FARP1: variants seen among roughly 807,000 people sequenced by gnomAD.
FARP1 encodes FERM, ARH/RhoGEF and pleckstrin domain protein 1.
In FARP1, 52 loss-of-function variants were observed where a neutral mutation model predicts 128.8. The ratio of observed to expected loss-of-function variants is 0.40; its 90% CI spans 0.32 to 0.51. FARP1 has a LOEUF of 0.51. Among genes scored for constraint, FARP1 ranks in the 20% least tolerant of loss-of-function variants. FARP1 has a pLI of 0.45. For synonymous variants in FARP1, 580 were observed against 551.8 expected (o/e 1.05, Z -0.72); for missense variants, 1,333 against 1,367.9 (o/e 0.97, Z 0.40).
At chr13:98,439,758 C>T (rs1303256580) in intron 21 of FARP1, among the ~76,000 whole-genome samples, 2 of 152,324 alleles carry the variant, frequency 1.3e-5, no homozygotes, top group South Asian at 2.1e-4. Context: ...CTGCCAAAAA[C>T]ATTCAGTGTG....
chr13:98,317,122 A>G (rs1285460146), intron 2 of FARP1, among the ~76,000 whole-genome samples: 2 of 152,160 alleles, frequency 1.3e-5, no homozygotes, highest in East Asian at 3.8e-4. Context: ...CCCTATTTCT[A>G]GCGTTGCTGC....
intron 8 of FARP1, among the ~76,000 whole-genome samples, chr13:98,387,638 C>T (rs1164153134): frequency 1.3e-5 from 2 of 152,142 alleles, no homozygotes; most frequent in Non-Finnish European, 2.9e-5. Context: ...CGGCAGCTCC[C>T]CGTTGTTTCT....
chr13:98,149,925 G>C (rs1474344524), intron 1 of FARP1, among the ~76,000 whole-genome samples: 3 of 150,814 alleles, frequency 2.0e-5, no homozygotes, highest in Admixed American at 1.3e-4. Context: ...TTTTAGTAGA[G>C]ACAGGGTTTC....
intron 2 of FARP1, among the ~76,000 whole-genome samples, chr13:98,231,164 G>A (rs147890913): frequency 2.7e-4 from 41 of 152,234 alleles, no homozygotes; most frequent in African/African-American, 9.9e-4. Context: ...CATATCAGCA[G>A]GGAATGGTTT....
Position 98,176,517 on chromosome 13 carries a change from GTCC to G in FARP1, c.-24+33028_-24+33030del, listed in dbSNP as rs759601974. The G allele has an allele frequency of 5.0e-6, 8 of 1,614,134 alleles. No homozygotes were observed. In the South Asian group the frequency reaches 7.7e-5, roughly 16 times the overall value. ...CCTCGCTTCCCACTTCATGGTTTTCGTCCTCGCAGATACAGTAGCGACCCTCTT... is the reference window on the plus strand; with the variant it reads ...CCTCGCTTCCCACTTCATGGTTTTCGTCGCAGATACAGTAGCGACCCTCTT... On this transcript the variant is annotated intron_variant, in intron 1 of 26. Coordinates refer to ENST00000319562, the MANE Select transcript of FARP1 (RefSeq NM_005766.4). This position sits in a 1 kb window ranked among gnomAD's most constrained non-coding sequence, Gnocchi z 6.2.
At chr13:98,321,605 T>C (rs527637713) in intron 2 of FARP1, among the ~76,000 whole-genome samples, 2 of 152,276 alleles carry the variant, frequency 1.3e-5, no homozygotes, top group African/African-American at 4.8e-5. Flanking sequence ...AGAAACACTT[T>C]AATATGGAGG....
chr13:98,427,813 G>C (rs1308096459), intron 17 of FARP1, among the ~76,000 whole-genome samples: 1 of 152,238 alleles, frequency 6.6e-6, no homozygotes, highest in African/African-American at 2.4e-5. Flanking sequence ...TGCCATGAGC[G>C]TTTATAGCAT....
At chr13:98,226,934 T>G (rs1416753027) in intron 2 of FARP1, among the ~76,000 whole-genome samples, 1 of 151,992 alleles carries the variant, frequency 6.6e-6, no homozygotes. Flanking sequence ...ATGTTGCATT[T>G]CTTTCTTTCT....
intron 2 of FARP1, among the ~76,000 whole-genome samples, chr13:98,268,395 A>AGAGATACT (rs745879677): frequency 6.7e-4 from 102 of 152,318 alleles, no homozygotes; most frequent in Admixed American, 1.6e-3. Context: ...GTCAGCAGGA[A>AGAGATACT]GAGATACTGG....
chr13:98,320,991 C>G (rs544937345), intron 2 of FARP1, among the ~76,000 whole-genome samples: 5 of 152,278 alleles, frequency 3.3e-5, no homozygotes, highest in African/African-American at 1.2e-4. Context: ...AGGTGCCTTT[C>G]AATGTCTGTG....
intron 3 of FARP1, among the ~76,000 whole-genome samples, chr13:98,348,056 G>A (rs1489363078): frequency 6.6e-6 from 1 of 152,240 alleles, no homozygotes; most frequent in African/African-American, 2.4e-5. Context: ...ATGTGAAGGA[G>A]TTTAAGGGGA....
intron 1 of FARP1, among the ~76,000 whole-genome samples, chr13:98,144,289 T>C (rs1594192833): frequency 6.6e-6 from 1 of 151,978 alleles, no homozygotes; most frequent in African/African-American, 2.4e-5. Flanking sequence ...TTGTGGCAGC[T>C]GGAGGCCAGC....
At chr13:98,265,359 G>T (rs1424625649) in intron 2 of FARP1, among the ~76,000 whole-genome samples, 4 of 110,336 alleles carry the variant, frequency 3.6e-5, no homozygotes, top group East Asian at 6.1e-4. Flanking sequence ...TCGCTCTGTC[G>T]CCCAGGCTGG....
chr13:98,259,470 T>C (rs1359244451), intron 2 of FARP1, among the ~76,000 whole-genome samples: 1 of 152,056 alleles, frequency 6.6e-6, no homozygotes, highest in Non-Finnish European at 1.5e-5. Context: ...GTCTTACTGC[T>C]CACATGTCCC....
chr13:98,377,286 G>A (rs930014275), intron 5 of FARP1, among the ~76,000 whole-genome samples: 10 of 145,894 alleles, frequency 6.9e-5, no homozygotes, highest in South Asian at 2.2e-4. Flanking sequence ...TGGCGACAGA[G>A]CGAGACTTTG....
chr13:98,348,450 G>A (rs1436794699), intron 3 of FARP1, among the ~76,000 whole-genome samples: 1 of 152,270 alleles, frequency 6.6e-6, no homozygotes, highest in Non-Finnish European at 1.5e-5. Flanking sequence ...AGATGGCCAT[G>A]GGGGCGAGTT....
intron 1 of FARP1, among the ~76,000 whole-genome samples, chr13:98,189,657 T>C (rs1879099563): frequency 6.6e-6 from 1 of 151,754 alleles, no homozygotes. Context: ...TATTTACTTA[T>C]TATTGCCATG....
intron 1 of FARP1, among the ~76,000 whole-genome samples, chr13:98,209,554 T>G (rs1228376557): frequency 7.1e-6 from 1 of 140,514 alleles, no homozygotes; most frequent in Non-Finnish European, 1.5e-5. Context: ...CCCAGCACTT[T>G]GGGAGGCTGA....
intron 13 of FARP1, chr13:98,397,843 C>T (rs1890607859): frequency 7.1e-6 from 1 of 141,444 alleles, no homozygotes; most frequent in Non-Finnish European, 1.5e-5. Flanking sequence ...CACAAACAAA[C>T]TGCTTTTTCT....
Sources: gnomAD v4.1 joint callset for allele counts (sites outside exome capture counted in the v4.1 genomes callset) on GRCh38, gnomAD v4.1.1 for gene constraint, Gnocchi (gnomAD v3.1) non-coding constraint, MANE v1.5 for transcripts, NCBI Gene and HGNC (gene_info 2026-07-23, HGNC 2026-07-21) for gene names.